RERE: variants seen among roughly 807,000 people sequenced by gnomAD.
The protein encoded by RERE is arginine-glutamic acid dipeptide repeats.
RERE carries 40 observed loss-of-function variants against 146.1 expected under a neutral mutation model. The observed-to-expected ratio is 0.27, with a 90% CI of 0.21 to 0.36. The LOEUF (loss-of-function observed/expected upper bound fraction) is 0.36. Ranked by LOEUF, RERE falls within the 10% of genes least tolerant of loss-of-function variation. RERE has a pLI of 1.00. For synonymous variants in RERE, 1,003 were observed against 866.0 expected, an observed-to-expected ratio of 1.16 and a Z score of -2.78; for missense variants, 1,933 against 2,138.7, an observed-to-expected ratio of 0.90 and a Z score of 1.90.
intron 1 of RERE, among the ~76,000 whole-genome samples, chr1:8,684,325 A>C (rs1639037874): frequency 2.0e-5 from 3 of 152,212 alleles, no homozygotes; most frequent in African/African-American, 7.2e-5. Flanking sequence ...ATCCACTTTA[A>C]TTACAGGAAA....
chr1:8,611,360 C>T (rs368876602), intron 4 of RERE, among the ~76,000 whole-genome samples: 1 of 151,698 alleles, frequency 6.6e-6, no homozygotes, highest in South Asian at 2.1e-4. Flanking sequence ...AACAACTAGC[C>T]AGGTGTGGTA....
intron 12 of RERE, among the ~76,000 whole-genome samples, chr1:8,420,373 A>G (rs948858375): frequency 5.3e-5 from 8 of 152,220 alleles, no homozygotes; most frequent in African/African-American, 1.9e-4. Flanking sequence ...GGGCATGACT[A>G]TAAGAATTCT....
At chr1:8,614,768 G>A (rs188548058) in intron 3 of RERE, 82 bp from the exon 4 acceptor site, 218 of 1,464,560 alleles carry the variant, frequency 1.5e-4, no homozygotes, top group East Asian at 4.3e-4. Flanking sequence ...CACACAAGTC[G>A]GTATCTGCAA....
chr1:8,516,732 G>C (rs2124327735), intron 7 of RERE, among the ~76,000 whole-genome samples: 1 of 152,252 alleles, frequency 6.6e-6, no homozygotes, highest in East Asian at 1.9e-4. Flanking sequence ...CAAACAGAAT[G>C]ATGAGAATCC....
intron 1 of RERE, among the ~76,000 whole-genome samples, chr1:8,685,957 T>C (rs997553466): frequency 6.7e-6 from 1 of 148,948 alleles, no homozygotes; most frequent in African/African-American, 2.5e-5. Flanking sequence ...GGACTAAAGA[T>C]AACATTTTAA....
intron 4 of RERE, among the ~76,000 whole-genome samples, chr1:8,574,201 G>A (rs1231552024): frequency 6.6e-6 from 1 of 151,996 alleles, no homozygotes; most frequent in Non-Finnish European, 1.5e-5. Flanking sequence ...GAAGAATCTG[G>A]GTTCCTTCTA....
At chr1:8,611,547 C>T (rs1646793725) in intron 4 of RERE, among the ~76,000 whole-genome samples, 3 of 152,098 alleles carry the variant, frequency 2.0e-5, no homozygotes, top group Admixed American at 6.5e-5. Context: ...TCAAATAAAA[C>T]AGTTCAAACC....
intron 11 of RERE, 27 bp downstream of exon 11, chr1:8,465,898 A>G: frequency 6.2e-7 from 1 of 1,604,634 alleles, no homozygotes. Flanking sequence ...GCCCCAGAGC[A>G]CAAGGCAAAT....
chr1:8,411,980 A>C (rs1221846435), intron 12 of RERE, among the ~76,000 whole-genome samples: 2 of 152,216 alleles, frequency 1.3e-5, no homozygotes, highest in Non-Finnish European at 2.9e-5. Flanking sequence ...CAAACCTCTG[A>C]CATAATTCAA....
At chr1:8,463,916 A>T (rs1644560742) in intron 11 of RERE, among the ~76,000 whole-genome samples, 1 of 152,240 alleles carries the variant, frequency 6.6e-6, no homozygotes. Context: ...AAACGACCAC[A>T]GTCTATACAC....
intron 8 of RERE, among the ~76,000 whole-genome samples, chr1:8,499,976 C>A (rs1365541831): frequency 6.6e-6 from 1 of 152,164 alleles, no homozygotes; most frequent in African/African-American, 2.4e-5. Flanking sequence ...AAAAATTAGC[C>A]AGGCGTGGTG....
rs1641649696 is a variant in RERE, at chr1:8,362,989, C to G, written c.1741-145G>C. The G allele has an allele frequency of 2.3e-5, 19 of 820,572 alleles. No homozygotes were observed. In the South Asian group the frequency reaches 3.2e-4, roughly 14 times the overall value. 50.8% of individuals were successfully genotyped at this position (820,572 alleles called of 1,614,324 possible). On this transcript the variant is annotated intron_variant, in intron 15 of 22. Coordinates refer to ENST00000400908, the MANE Select transcript of RERE (RefSeq NM_001042681.2). Reference sequence around the variant, plus strand: ...AGACCTTGGCAAACAACAGGCCGCCCTGCCTGTCCCTGGCTGCATGAAGGT... The same window carrying G: ...AGACCTTGGCAAACAACAGGCCGCCGTGCCTGTCCCTGGCTGCATGAAGGT...
intron 1 of RERE, among the ~76,000 whole-genome samples, chr1:8,779,929 G>A (rs1641135434): frequency 6.6e-6 from 1 of 152,016 alleles, no homozygotes; most frequent in South Asian, 2.1e-4. Context: ...AGCAGCTTAT[G>A]CCTGTAATCC....
rs543197154 is a variant in RERE, at chr1:8,712,987, G to A, written c.-144-56546C>T. Among the ~76,000 whole-genome samples, 6 of 152,164 alleles carry A rather than the reference G, an allele frequency of 3.9e-5. No individual in the cohort carries two copies. The South Asian group carries it at 1.2e-3, about 32-fold the overall frequency. ...ACTATAGTTTATTCTTCCCAGCCAA[G>A]GATTAATGTCCCTAGGGAAAAGGCC... On this transcript the variant is annotated intron_variant, in intron 1 of 22. Coordinates refer to ENST00000400908, the MANE Select transcript of RERE (RefSeq NM_001042681.2).
intron 10 of RERE, among the ~76,000 whole-genome samples, chr1:8,476,684 T>C (rs574240647): frequency 1.8e-4 from 27 of 152,348 alleles, no homozygotes; most frequent in Admixed American, 1.8e-3. Flanking sequence ...CTATGCTTTA[T>C]GAACAGCAAC....
At chr1:8,670,799 C>T (rs893631869) in intron 1 of RERE, among the ~76,000 whole-genome samples, 15 of 152,084 alleles carry the variant, frequency 9.9e-5, no homozygotes, top group African/African-American at 3.6e-4. Context: ...AGTACTTACT[C>T]AAATAAGGGA....
intron 2 of RERE, among the ~76,000 whole-genome samples, chr1:8,638,997 T>C (rs1336718400): frequency 2.0e-5 from 3 of 151,940 alleles, no homozygotes; most frequent in African/African-American, 4.8e-5. Context: ...ATGGTCTCGA[T>C]CTCCTGATCT....
chr1:8,708,970 T>C (rs1042594673), intron 1 of RERE, among the ~76,000 whole-genome samples: 4 of 135,852 alleles, frequency 2.9e-5, no homozygotes, highest in Admixed American at 2.5e-4. Context: ...TGGAGTGCAG[T>C]GGTGCAATCT....
intron 1 of RERE, among the ~76,000 whole-genome samples, chr1:8,762,961 T>C (rs1640782699): frequency 6.6e-6 from 1 of 152,030 alleles, no homozygotes; most frequent in Admixed American, 6.6e-5. Flanking sequence ...AAAAAAATTA[T>C]CACAGTCCCT....
Sources: allele counts gnomAD v4.1 joint callset (sites outside exome capture counted in the v4.1 genomes callset), GRCh38; gene constraint gnomAD v4.1.1; transcripts MANE v1.5; gene names NCBI Gene and HGNC (gene_info 2026-07-23, HGNC 2026-07-21).